Variants in ELAVL4 observed in about 807,000 individuals in gnomAD.
The protein encoded by ELAVL4 is ELAV like RNA binding protein 4.
Under a neutral mutation model 35.6 loss-of-function variants are expected in ELAVL4, and 1 was observed. The observed-to-expected ratio is 0.03, with a 90% CI of 0.01 to 0.13. The LOEUF is 0.13. Ranked by LOEUF, ELAVL4 falls within the 10% of genes least tolerant of loss-of-function variation. ELAVL4 has a pLI of 1.00. For missense variants in ELAVL4, 267 were observed against 464.9 expected (o/e 0.57, Z 3.91); for synonymous variants, 156 against 171.0 (o/e 0.91, Z 0.69).
intron 2 of ELAVL4, chr1:50,174,610 G>C (rs750211176): frequency 1.3e-5 from 2 of 152,068 alleles, no homozygotes; most frequent in Non-Finnish European, 2.9e-5. Flanking sequence ...TAAGGTGATG[G>C]TGGATTTGGG....
chr1:50,084,984 C>T (rs1665174766), intron 1 of ELAVL4, among the ~76,000 whole-genome samples: 1 of 152,136 alleles, frequency 6.6e-6, no homozygotes, highest in Admixed American at 6.6e-5. Context: ...CTATATAAAA[C>T]ACTTTCTCTA....
Position 50,145,094 on chromosome 1 carries a change from C to T in ELAVL4, c.147C>T (p.Ile49=), listed in dbSNP as rs1271121178. The change falls in exon 2 of 7, where the codon ATC becomes ATT. Residue 49 remains isoleucine (I), a synonymous_variant. Transcript: ENST00000371824. ...ATTDDSKTNL[I]VNYLPQNMTQ... is the part of the protein sequence containing the mutation. ...CAGATGACAGCAAAACCAACCTCAT[C>T]GTCAACTATTTACCCCAGAATATGA... 11 of 1,613,918 alleles carry T rather than the reference C, an allele frequency of 6.8e-6. No individual in the cohort carries two copies. The East Asian group carries it at 1.1e-4, about 16-fold the overall frequency.
upstream of ELAVL4, among the ~76,000 whole-genome samples, chr1:50,105,231 G>A (rs1328665630): frequency 6.6e-6 from 1 of 152,070 alleles, no homozygotes; most frequent in African/African-American, 2.4e-5. Flanking sequence ...GCACACTTTT[G>A]AGTTTTCATC....
At chr1:50,058,754 T>A (rs1005982747) in intron 1 of ELAVL4, among the ~76,000 whole-genome samples, 1 of 151,822 alleles carries the variant, frequency 6.6e-6, no homozygotes, top group Admixed American at 6.6e-5. Flanking sequence ...GCTAGGACTA[T>A]AGGCATGCAC....
At chr1:50,048,136 G>T in exon 1 of ELAVL4, 1 of 1,516,280 alleles carries the variant, frequency 6.6e-7, no homozygotes, top group Non-Finnish European at 8.8e-7. Flanking sequence ...AGCCTCCGCA[G>T]CCTCGGGCCG....
At chr1:50,179,792 G>A (rs558619648) in intron 3 of ELAVL4, 20 of 152,270 alleles carry the variant, frequency 1.3e-4, no homozygotes, top group African/African-American at 4.6e-4. Flanking sequence ...CACAAAGTAG[G>A]TTCAGGCAAA....
At chr1:50,084,610 T>G (rs192871382) in intron 1 of ELAVL4, among the ~76,000 whole-genome samples, 2 of 152,254 alleles carry the variant, frequency 1.3e-5, no homozygotes, top group East Asian at 3.9e-4. Context: ...TATGCCACAC[T>G]CCAGTCACAT....
chr1:50,127,983 C>G (rs1670231555), intron 1 of ELAVL4, among the ~76,000 whole-genome samples: 1 of 152,092 alleles, frequency 6.6e-6, no homozygotes, highest in South Asian at 2.1e-4. Context: ...AGGAAAATGT[C>G]AAGAGCCCCC....
At chr1:50,179,780 T>G (rs1390254500) in intron 3 of ELAVL4, 2 of 152,232 alleles carry the variant, frequency 1.3e-5, no homozygotes, top group Non-Finnish European at 1.5e-5. Context: ...TTAAATGTTA[T>G]GCACAAAGTA....
At chr1:50,193,132 G>GT (rs1682917609) in intron 3 of ELAVL4, among the ~76,000 whole-genome samples, 1 of 152,128 alleles carries the variant, frequency 6.6e-6, no homozygotes, top group Non-Finnish European at 1.5e-5. Context: ...CCTTGCAGAT[G>GT]TGACGACAAG....
At chr1:50,184,381 T>C (rs2148853263) in intron 3 of ELAVL4, among the ~76,000 whole-genome samples, 1 of 136,356 alleles carries the variant, frequency 7.3e-6, no homozygotes, top group Admixed American at 8.0e-5. Context: ...AAGCCAACAA[T>C]GTGATGTGAG....
intron 1 of ELAVL4, among the ~76,000 whole-genome samples, chr1:50,092,590 A>G (rs1384175777): frequency 1.3e-5 from 2 of 152,214 alleles, no homozygotes; most frequent in South Asian, 2.1e-4. Context: ...GTCTTTGATT[A>G]TGTACTCTTG....
upstream of ELAVL4, chr1:50,104,087 C>G: frequency 6.9e-7 from 1 of 1,453,460 alleles, no homozygotes; most frequent in Non-Finnish European, 9.7e-7. Context: ...CTTAGGGTAA[C>G]AAGACTATGG....
At chr1:50,155,743 C>T (rs1278126583) in intron 2 of ELAVL4, among the ~76,000 whole-genome samples, 4 of 152,272 alleles carry the variant, frequency 2.6e-5, no homozygotes, top group South Asian at 4.2e-4. Context: ...CCGTCTTTCT[C>T]GTGAGGGTTT....
upstream of ELAVL4, among the ~76,000 whole-genome samples, chr1:50,104,482 T>C (rs1666156786): frequency 2.0e-5 from 3 of 152,084 alleles, no homozygotes; most frequent in Admixed American, 1.3e-4. Context: ...TGCAAGGAGG[T>C]TAAATGGTAT....
intron 3 of ELAVL4, among the ~76,000 whole-genome samples, chr1:50,182,802 G>A (rs3001638): frequency 0.9 from 136,241 of 152,122 alleles, 62,192 homozygotes; most frequent in East Asian, 1. Flanking sequence ...GAATCATATC[G>A]TGAAGGCAAT....
intron 1 of ELAVL4, among the ~76,000 whole-genome samples, chr1:50,054,545 T>A (rs1663559909): frequency 6.6e-6 from 1 of 152,198 alleles, no homozygotes; most frequent in Non-Finnish European, 1.5e-5. Context: ...CTTAGAAGAC[T>A]CATACCATAG....
chr1:50,098,505 C>T (rs1665812792), intron 1 of ELAVL4, among the ~76,000 whole-genome samples: 1 of 152,112 alleles, frequency 6.6e-6, no homozygotes. Flanking sequence ...GCACTTGTAG[C>T]AAATAAGGCT....
intron 2 of ELAVL4, among the ~76,000 whole-genome samples, chr1:50,159,486 G>T (rs1358902168): frequency 6.6e-6 from 1 of 152,076 alleles, no homozygotes; most frequent in African/African-American, 2.4e-5. Context: ...GTGGGTGCCT[G>T]TAATACCAGC....
Sources: allele counts gnomAD v4.1 joint callset (sites outside exome capture counted in the v4.1 genomes callset), GRCh38; gene constraint gnomAD v4.1.1; transcripts MANE v1.5; gene names NCBI Gene and HGNC (gene_info 2026-07-23, HGNC 2026-07-21).